PRAMEF17: variants seen among roughly 807,000 people sequenced by gnomAD.
PRAMEF17 encodes the protein PRAME family member 17.
In PRAMEF17, 48 loss-of-function variants were observed where a neutral mutation model predicts 36.8. The ratio of observed to expected loss-of-function variants is 1.30; its 90% CI spans 1.03 to 1.66. The LOEUF (loss-of-function observed/expected upper bound fraction) is 1.66. PRAMEF17 is among the 40% of genes most tolerant of loss of function. The pLI is 0.00. For missense variants in PRAMEF17, 639 were observed against 560.6 expected, an observed-to-expected ratio of 1.14 and a Z score of -1.41; for synonymous variants, 246 against 220.4, an observed-to-expected ratio of 1.12 and a Z score of -1.03.
chr1:13,392,590 T>C lies in PRAMEF17; in HGVS notation c.*88T>C. ...ACACAGGTGGGTTTTTTTGTTTTTT[T>C]GTTTTTTTTTTGATGGAGTCTCGCT... is the stretch of plus-strand genomic sequence containing the variant. On this transcript the variant is annotated 3_prime_UTR_variant, in exon 3 of 3. Coordinates refer to ENST00000376098, the MANE Select transcript of PRAMEF17 (RefSeq NM_001099851.3). 1.3e-6 allele frequency: 2 copies of C among 1,546,852 alleles called. No homozygotes were observed. The highest frequency in any genetic ancestry group is 2.4e-5 in the South Asian group (2 of 83,814).
Position 13,392,609 on chromosome 1 carries a change from T to A in PRAMEF17, c.*107T>A, listed in dbSNP as rs1640901628. On this transcript the variant is annotated 3_prime_UTR_variant, in exon 3 of 3. Transcript: ENST00000376098. ...TTTTTTTGTTTTTTTTTTGATGGAG[T>A]CTCGCTCTGTCCCTCAGGCTAAAGT... 1.4e-6 allele frequency: 2 copies of A among 1,466,262 alleles called. No homozygotes were observed. Among genetic ancestry groups the A allele is most frequent in the African/African-American group, 1.4e-5 (1 of 70,566 alleles). The allele number at this position is 1,466,262 out of a possible 1,614,324, so 90.8% of individuals were successfully genotyped here.
At chr1:13,390,190 A>G in intron 1 of PRAMEF17, 151 bp from the exon 2 acceptor site, 3 of 1,420,288 alleles carry the variant, frequency 2.1e-6, no homozygotes, top group South Asian at 1.3e-5. Flanking sequence ...AGAACCAGGC[A>G]GAATCCAAGG....
Position 13,390,639 on chromosome 1 carries a change from A to G in PRAMEF17, c.586A>G (p.Arg196Gly). 6.2e-7 allele frequency: 1 copy of G among 1,612,018 alleles called. No individual in the cohort carries two copies. The highest frequency in any genetic ancestry group is 1.1e-5 in the South Asian group (1 of 90,984). Reference protein sequence around the residue: ...QNYSMPTSSFRNLLKRVYPDS... With the variant: ...QNYSMPTSSFGNLLKRVYPDS... ...TTACTCAATGCCCACTTCAAGTTTCAGAAATTTATTGAAAAGGGTATACCC... is the reference window on the plus strand; with the variant it reads ...TTACTCAATGCCCACTTCAAGTTTCGGAAATTTATTGAAAAGGGTATACCC... The change falls in exon 2 of 3, where the codon AGA becomes GGA. Residue 196 changes from arginine (R) to glycine (G), a missense_variant. Transcript: ENST00000376098.
In PRAMEF17 at chr1:13,390,672, A is replaced by G. The variant is rs1640868494; in HGVS notation, c.619A>G (p.Ile207Val). 1.2e-6 allele frequency: 2 copies of G among 1,612,002 alleles called. No individual in the cohort carries two copies. The highest frequency in any genetic ancestry group is 2.2e-5 in the South Asian group (2 of 90,994). The change falls in exon 2 of 3, where the codon ATC becomes GTC. Residue 207 changes from isoleucine (I) to valine (V), a missense_variant. Coordinates refer to ENST00000376098, the MANE Select transcript of PRAMEF17 (RefSeq NM_001099851.3). ...ATTGAAAAGGGTATACCCAGACAGT[A>G]TCCAGGAGTTGGAAATTAAGAGAAA... The part of the protein sequence containing the change: ...NLLKRVYPDS[I>V]QELEIKRKCS...
At position 13,392,217 on chromosome 1, in the gene PRAMEF17, C is replaced by G. The variant is rs1569850888; in HGVS notation, c.1140C>G (p.Thr380=). The G allele has an allele frequency of 6.2e-7, 1 of 1,612,010 alleles. No individual in the cohort carries two copies. Among genetic ancestry groups the G allele is most frequent in the South Asian group, 1.1e-5 (1 of 90,990 alleles). The change falls in exon 3 of 3, where the codon ACC becomes ACG. Residue 380 remains threonine (T), a synonymous_variant. Transcript: ENST00000376098. Reference sequence around the variant, plus strand: ...CCCTGAGCCGCTGCTCCCAGCTCACCACCTTCTACTTTCGCGGAAATGAGA... The same window carrying G: ...CCCTGAGCCGCTGCTCCCAGCTCACGACCTTCTACTTTCGCGGAAATGAGA... ...LPALSRCSQL[T]TFYFRGNETS... is the part of the protein sequence containing the mutation.
rs1640854905 is a variant in PRAMEF17 at position 13,389,757 on chromosome 1, G to A, written c.100G>A (p.Glu34Lys). ...TIFILDELPR[E>K]VFPLMFMEAS... ...CTTCATCCTGGACGAGCTGCCCAGGGAGGTCTTCCCTCTGATGTTCATGGA... is the reference window on the plus strand; with the variant it reads ...CTTCATCCTGGACGAGCTGCCCAGGAAGGTCTTCCCTCTGATGTTCATGGA... The change falls in exon 1 of 3, where the codon GAG becomes AAG. Residue 34 changes from glutamate (E) to lysine (K), a missense_variant. Glu to Lys is a moderately conservative substitution (Grantham distance 56). Coordinates refer to ENST00000376098, the MANE Select transcript of PRAMEF17 (RefSeq NM_001099851.3). The A allele has an allele frequency of 2.5e-6, 4 of 1,612,498 alleles. No homozygotes were observed. The highest frequency in any genetic ancestry group is 1.7e-5 in the Admixed American group (1 of 60,014).
Position 13,390,706 on chromosome 1 carries a change from T to C in PRAMEF17, c.653T>C (p.Leu218Pro). 1 of 1,612,020 alleles carries C rather than the reference T, an allele frequency of 6.2e-7. No homozygotes were observed. Among genetic ancestry groups the C allele is most frequent in the South Asian group, 1.1e-5 (1 of 90,988 alleles). The change falls in exon 2 of 3, where the codon CTG becomes CCG. Residue 218 changes from leucine to proline, a missense_variant. Physicochemically the swap from Leu to Pro is moderately conservative, Grantham distance 98. Coordinates refer to ENST00000376098, the MANE Select transcript of PRAMEF17 (RefSeq NM_001099851.3). ...TTGGAAATTAAGAGAAAGTGCTCTC[T>C]GAATAAAACAGGAAAGTTTGCCCCT... ...QELEIKRKCS[L>P]NKTGKFAPYL...
At position 13,392,034 on chromosome 1, in the gene PRAMEF17, C is replaced by G. The variant is rs1485239142; in HGVS notation, c.957C>G (p.Leu319=). 1.2e-6 allele frequency: 2 copies of G among 1,611,892 alleles called. No individual in the cohort carries two copies. The highest frequency in any genetic ancestry group is 1.7e-6 in the Non-Finnish European group (2 of 1,179,840). ...AGTGTCTGTCTCAGTACCCAAGCCTCAGTCAGCTAAAGGAGCTGCATCTGA... is the reference window on the plus strand; with the variant it reads ...AGTGTCTGTCTCAGTACCCAAGCCTGAGTCAGCTAAAGGAGCTGCATCTGA... ...DMECLSQYPS[L]SQLKELHLIH... The change falls in exon 3 of 3, where the codon CTC becomes CTG. Residue 319 remains leucine (L), a synonymous_variant. Transcript: ENST00000376098.
Position 13,392,426 on chromosome 1 carries a change from T to A in PRAMEF17, c.1349T>A (p.Ile450Asn), listed in dbSNP as rs1290064569. Residue 450 changes from isoleucine to asparagine, a missense_variant, in exon 3 of 3, where the codon ATC (isoleucine) becomes AAC (asparagine). Transcript: ENST00000376098. ...AGGGAAGTCAGGCAGCCCAAGAGGATCTTTTTTGGTCCCATCCCCTGCCCT... is the reference window on the plus strand; with the variant it reads ...AGGGAAGTCAGGCAGCCCAAGAGGAACTTTTTTGGTCCCATCCCCTGCCCT... Reference protein sequence around the residue: ...TLREVRQPKRIFFGPIPCPSC... With the variant: ...TLREVRQPKRNFFGPIPCPSC... The A allele has an allele frequency of 5.6e-6, 9 of 1,611,852 alleles. No individual in the cohort carries two copies. The highest frequency in any genetic ancestry group is 7.6e-6 in the Non-Finnish European group (9 of 1,179,834).
intron 1 of PRAMEF17, 61 bp from the exon 2 acceptor site, chr1:13,390,280 A>G: frequency 6.2e-7 from 1 of 1,609,784 alleles, no homozygotes; most frequent in Non-Finnish European, 8.5e-7. Flanking sequence ...GTTGAGTGAA[A>G]GCTCAGGTCA....
chr1:13,392,485 T>C lies in PRAMEF17; in HGVS notation c.1408T>C (p.Phe470Leu), dbSNP rs563542874. The C allele has an allele frequency of 2.8e-5, 45 of 1,611,872 alleles. 1 individual carries two copies. The East Asian group carries it at 3.1e-4, about 11-fold the overall frequency. The change falls in exon 3 of 3, where the codon TTC (phenylalanine) becomes CTC (leucine). Residue 470 changes from phenylalanine (F) to leucine (L), a missense_variant. By Grantham distance (22) the Phe-to-Leu change is conservative (BLOSUM62 0). Transcript: ENST00000376098. ...CTCATGGCCATCTGAGAAAGTGGACTTCCATCTTTGCTCTTAGTGAAGGCC... is the reference window on the plus strand; with the variant it reads ...CTCATGGCCATCTGAGAAAGTGGACCTCCATCTTTGCTCTTAGTGAAGGCC... ...CGSWPSEKVD[F>L]HLCS is the part of the protein sequence containing the mutation.
In PRAMEF17 at chr1:13,390,841, T is replaced by C. The variant is rs1640871314; in HGVS notation, c.788T>C (p.Phe263Ser). 1 of 1,611,922 alleles carries C rather than the reference T, an allele frequency of 6.2e-7. No individual in the cohort carries two copies. The highest frequency in any genetic ancestry group is 2.2e-5 in the East Asian group (1 of 44,892). The part of the protein sequence containing the change: ...QQFVPDLDCP[F>S]LCLYYPQMLY... Reference sequence around the variant, plus strand: ...TTCGTTCCTGACTTGGACTGTCCATTCCTCTGCCTGTACTACCCTCAGATG... The same window carrying C: ...TTCGTTCCTGACTTGGACTGTCCATCCCTCTGCCTGTACTACCCTCAGATG... Residue 263 changes from phenylalanine to serine, a missense_variant, in exon 2 of 3, where the codon TTC (phenylalanine) becomes TCC (serine). Phe to Ser is a radical substitution (Grantham distance 155). Coordinates refer to ENST00000376098, the MANE Select transcript of PRAMEF17 (RefSeq NM_001099851.3).
rs1640867420 is a variant in PRAMEF17 at position 13,390,601 on chromosome 1, A to G, written c.548A>G (p.Asn183Ser). The change falls in exon 2 of 3, where the codon AAT becomes AGT. Residue 183 changes from asparagine to serine, a missense_variant. By Grantham distance (46) the Asn-to-Ser change is conservative. Coordinates refer to ENST00000376098, the MANE Select transcript of PRAMEF17 (RefSeq NM_001099851.3). ...YRRGLVHLCC[N>S]KVQNYSMPTS... ...AGAGGTCTAGTGCACCTGTGTTGTA[A>G]TAAGGTGCAGAATTACTCAATGCCC... 5.0e-6 allele frequency: 8 copies of G among 1,612,018 alleles called. No homozygotes were observed. Among genetic ancestry groups the G allele is most frequent in the Admixed American group, 1.7e-5 (1 of 60,014 alleles).
At position 13,392,426 on chromosome 1, in the gene PRAMEF17, T is replaced by C; in HGVS notation, c.1349T>C (p.Ile450Thr). The C allele has an allele frequency of 1.9e-6, 3 of 1,611,852 alleles. No homozygotes were observed. The highest frequency in any genetic ancestry group is 1.7e-6 in the Non-Finnish European group (2 of 1,179,834). ...AGGGAAGTCAGGCAGCCCAAGAGGA[T>C]CTTTTTTGGTCCCATCCCCTGCCCT... ...TLREVRQPKRIFFGPIPCPSC... is the reference protein window; with the variant it reads ...TLREVRQPKRTFFGPIPCPSC... Residue 450 changes from isoleucine to threonine, a missense_variant, in exon 3 of 3, where the codon ATC becomes ACC. Ile to Thr is a moderately conservative substitution (Grantham distance 89). Coordinates refer to ENST00000376098, the MANE Select transcript of PRAMEF17 (RefSeq NM_001099851.3).
chr1:13,391,392 C>T (rs1174831202), intron 2 of PRAMEF17, among the ~76,000 whole-genome samples: 4 of 152,080 alleles, frequency 2.6e-5, no homozygotes, highest in African/African-American at 9.7e-5. Flanking sequence ...TTCTTTTGAA[C>T]CCCAGGAAAA....
In PRAMEF17 at chr1:13,391,956, C is replaced by T. The variant is rs1379181405; in HGVS notation, c.879C>T (p.Asn293=). The T allele has an allele frequency of 1.2e-6, 2 of 1,611,338 alleles. No homozygotes were observed. Among genetic ancestry groups the T allele is most frequent in the Non-Finnish European group, 1.7e-6 (2 of 1,179,506 alleles). ...TTGCTCTCCCCAGGTGCCTCAAGAA[C>T]CCCTTGGGAACCTTTATATTCTGTC... ...HLEHLLRCLK[N]PLGTFIFCHA... Residue 293 remains asparagine, a synonymous_variant, in exon 3 of 3, where the codon AAC becomes AAT. Transcript: ENST00000376098.
chr1:13,392,204 G>T lies in PRAMEF17; in HGVS notation c.1127G>T (p.Cys376Phe). 6.2e-7 allele frequency: 1 copy of T among 1,611,962 alleles called. No homozygotes were observed. Among genetic ancestry groups the T allele is most frequent in the South Asian group, 1.1e-5 (1 of 90,986 alleles). Reference sequence around the variant, plus strand: ...GTCCTCCTGCCTGCCCTGAGCCGCTGCTCCCAGCTCACCACCTTCTACTTT... The same window carrying T: ...GTCCTCCTGCCTGCCCTGAGCCGCTTCTCCCAGCTCACCACCTTCTACTTT... Reference protein sequence around the residue: ...LRVLLPALSRCSQLTTFYFRG... With the variant: ...LRVLLPALSRFSQLTTFYFRG... The change falls in exon 3 of 3, where the codon TGC (cysteine) becomes TTC (phenylalanine). Residue 376 changes from cysteine (C) to phenylalanine (F), a missense_variant. Transcript: ENST00000376098.
rs1640872055 is a variant in PRAMEF17, at chr1:13,390,898, A to G, written c.845A>G (p.Glu282Gly). Residue 282 changes from glutamate to glycine, a missense_variant, in exon 2 of 3, where the codon GAG becomes GGG. Glu to Gly is a moderately conservative substitution (Grantham distance 98). Transcript: ENST00000376098. ...ATAAGAAAGATCAGTAATATCAAAGAGCACCTGGAGCACCTGCTCAGGTAA... is the reference window on the plus strand; with the variant it reads ...ATAAGAAAGATCAGTAATATCAAAGGGCACCTGGAGCACCTGCTCAGGTAA... ...LYIRKISNIK[E>G]HLEHLLRCLK... is the part of the protein sequence containing the mutation. The G allele has an allele frequency of 7.4e-6, 12 of 1,611,838 alleles. No individual in the cohort carries two copies. The East Asian group carries it at 2.7e-4, about 36-fold the overall frequency.
chr1:13,392,267 T>G lies in PRAMEF17; in HGVS notation c.1190T>G (p.Leu397Arg). Residue 397 changes from leucine to arginine, a missense_variant, in exon 3 of 3, where the codon CTG becomes CGG. By Grantham distance (102) the Leu-to-Arg change is moderately radical. Coordinates refer to ENST00000376098, the MANE Select transcript of PRAMEF17 (RefSeq NM_001099851.3). The stretch of plus-strand genomic sequence containing the variant: ...ACCTCCACGAATGCTCTGAAAGACC[T>G]GCTGTGTCACACAGGTGGGCTGAGC... Reference protein sequence around the residue: ...NETSTNALKDLLCHTGGLSKL... With the variant: ...NETSTNALKDRLCHTGGLSKL... 6.2e-7 allele frequency: 1 copy of G among 1,611,996 alleles called. No homozygotes were observed. The highest frequency in any genetic ancestry group is 8.5e-7 in the Non-Finnish European group (1 of 1,179,848).
Sources: allele counts gnomAD v4.1 joint callset (sites outside exome capture counted in the v4.1 genomes callset), GRCh38; gene constraint gnomAD v4.1.1; transcripts MANE v1.5; gene names NCBI Gene and HGNC (gene_info 2026-07-23, HGNC 2026-07-21).